Variants in PIWIL4 observed in about 807,000 individuals in gnomAD.
PIWIL4 encodes piwi-like protein 4.
In PIWIL4, 50 loss-of-function variants were observed where a neutral mutation model predicts 100.9. The observed-to-expected ratio is 0.50, with a 90% CI of 0.39 to 0.63. The LOEUF (loss-of-function observed/expected upper bound fraction) is 0.63. PIWIL4 is among the 20% of genes least tolerant of loss of function. The pLI is 0.00. For synonymous variants in PIWIL4, 342 were observed against 367.5 expected, an observed-to-expected ratio of 0.93 and a Z score of 0.79; for missense variants, 887 against 1,043.3, an observed-to-expected ratio of 0.85 and a Z score of 2.06.
At chr11:94,588,452 T>G (rs1161079397) in intron 7 of PIWIL4, among the ~76,000 whole-genome samples, 3 of 152,212 alleles carry the variant, frequency 2.0e-5, no homozygotes, top group Admixed American at 6.5e-5. Flanking sequence ...TACCCTCTTA[T>G]CCTCCTGTCA....
intron 4 of PIWIL4, 57 bp downstream of exon 4, chr11:94,577,549 A>G (rs1255173678): frequency 2.3e-6 from 3 of 1,301,688 alleles, no homozygotes; most frequent in Non-Finnish European, 3.2e-6. Flanking sequence ...TTATATGTGT[A>G]TACACACACA....
intron 8 of PIWIL4, among the ~76,000 whole-genome samples, chr11:94,589,815 A>G (rs957427101): frequency 2.0e-5 from 3 of 152,112 alleles, no homozygotes; most frequent in African/African-American, 7.2e-5. Context: ...AGGTCATCAC[A>G]GGCACCACAC....
At chr11:94,608,357 G>T in intron 14 of PIWIL4, 1 of 446,290 alleles carries the variant, frequency 2.2e-6, no homozygotes, top group Non-Finnish European at 4.0e-6. Context: ...ATCTTGGACG[G>T]TAGTGTTTCT....
At chr11:94,609,065 G>C (rs1166979778) in intron 15 of PIWIL4, among the ~76,000 whole-genome samples, 1 of 152,160 alleles carries the variant, frequency 6.6e-6, no homozygotes, top group African/African-American at 2.4e-5. Context: ...TTATACCCTG[G>C]TCTGCCACTT....
Position 94,585,434 on chromosome 11 carries a change from T to A in PIWIL4, c.636-11T>A. 6.3e-7 allele frequency: 1 copy of A among 1,598,532 alleles called. No individual in the cohort carries two copies. The highest frequency in any genetic ancestry group is 1.1e-5 in the South Asian group (1 of 88,322). On this transcript the variant is annotated splice_polypyrimidine_tract_variant and intron_variant, in intron 5 of 19. Transcript: ENST00000299001. ...GATATTTACCAAAAATTCAAAAAAATATACTTGCAGGATCCTCAAAAAGTT... is the reference window on the plus strand; with the variant it reads ...GATATTTACCAAAAATTCAAAAAAAAATACTTGCAGGATCCTCAAAAAGTT...
intron 11 of PIWIL4, 66 bp downstream of exon 11, chr11:94,597,981 G>C (rs1362188428): frequency 3.3e-6 from 4 of 1,220,926 alleles, no homozygotes; most frequent in Non-Finnish European, 4.8e-6. Context: ...TTTGTGCATT[G>C]GCCAGAGTGG....
chr11:94,594,558 G>A (rs562958210), intron 9 of PIWIL4, among the ~76,000 whole-genome samples: 1 of 151,676 alleles, frequency 6.6e-6, no homozygotes, highest in African/African-American at 2.4e-5. Context: ...TTGAGATGGA[G>A]TTTCACTCTT....
chr11:94,600,785 A>C (rs1948626277), intron 11 of PIWIL4, among the ~76,000 whole-genome samples: 2 of 152,176 alleles, frequency 1.3e-5, no homozygotes, highest in African/African-American at 4.8e-5. Context: ...GGGCCAGTTC[A>C]GAGACCTACT....
intron 15 of PIWIL4, 41 bp downstream of exon 15, chr11:94,608,727 G>A (rs1420071129): frequency 6.6e-7 from 1 of 1,517,076 alleles, no homozygotes; most frequent in Admixed American, 1.7e-5. Context: ...CATTTAGTTA[G>A]ACTATTAATT....
intron 15 of PIWIL4, among the ~76,000 whole-genome samples, chr11:94,610,988 G>C (rs899742831): frequency 6.6e-6 from 1 of 152,082 alleles, no homozygotes; most frequent in African/African-American, 2.4e-5. Flanking sequence ...TTTTTTACAT[G>C]TGAATATCTA....
intron 7 of PIWIL4, among the ~76,000 whole-genome samples, chr11:94,587,784 A>G (rs1334479164): frequency 6.6e-6 from 1 of 152,168 alleles, no homozygotes; most frequent in Non-Finnish European, 1.5e-5. Context: ...TATTAGATTC[A>G]GGAGTCTTTT....
intron 5 of PIWIL4, among the ~76,000 whole-genome samples, chr11:94,584,576 T>C (rs941883104): frequency 1.3e-5 from 2 of 152,164 alleles, no homozygotes; most frequent in Admixed American, 1.3e-4. Flanking sequence ...CCGAGGCAAG[T>C]GCTATTAAAA....
chr11:94,604,436 G>A (rs752345304), intron 13 of PIWIL4, among the ~76,000 whole-genome samples: 1 of 152,100 alleles, frequency 6.6e-6, no homozygotes, highest in Non-Finnish European at 1.5e-5. Flanking sequence ...AGTGACCTAT[G>A]GCCCCAAATT....
At chr11:94,616,611 A>G in intron 16 of PIWIL4, 48 bp downstream of exon 16, 1 of 1,453,780 alleles carries the variant, frequency 6.9e-7, no homozygotes, top group Non-Finnish European at 9.5e-7. Flanking sequence ...CTGTTCCTTC[A>G]GACCTCAAAT....
intron 4 of PIWIL4, among the ~76,000 whole-genome samples, chr11:94,581,889 C>A (rs1948324729): frequency 6.6e-6 from 1 of 152,186 alleles, no homozygotes; most frequent in East Asian, 1.9e-4. Context: ...CATCCAATTC[C>A]ACATCATGTG....
At chr11:94,613,335 T>A (rs1356561042) in intron 15 of PIWIL4, among the ~76,000 whole-genome samples, 1 of 152,246 alleles carries the variant, frequency 6.6e-6, no homozygotes, top group Non-Finnish European at 1.5e-5. Flanking sequence ...TGATAGCCTA[T>A]GAGGGTTCCT....
In PIWIL4 at chr11:94,567,533, C is replaced by G. The variant is rs1426378186; in HGVS notation, c.15C>G (p.Ala5=). ...TCACCGGGAACATGAGTGGAAGAGC[C>G]CGAGTGAAGGCCAGAGGCATCGCCC... The part of the protein sequence containing the change: MSGR[A]RVKARGIARS... Residue 5 remains alanine (A), a synonymous_variant, in exon 1 of 20, where the codon GCC becomes GCG. Transcript: ENST00000299001. 6 of 1,600,968 alleles carry G rather than the reference C, an allele frequency of 3.7e-6. No homozygotes were observed. The African/African-American group carries it at 8.0e-5, about 21-fold the overall frequency.
chr11:94,595,696 G>A (rs530615160), intron 10 of PIWIL4, among the ~76,000 whole-genome samples: 14 of 152,176 alleles, frequency 9.2e-5, no homozygotes, highest in Non-Finnish European at 1.8e-4. Flanking sequence ...TGGATAAAAT[G>A]TTGAATAAAG....
intron 2 of PIWIL4, among the ~76,000 whole-genome samples, chr11:94,573,872 T>C (rs768019150): frequency 1.3e-5 from 2 of 152,202 alleles, no homozygotes; most frequent in African/African-American, 2.4e-5. Flanking sequence ...CTTTTTTCAC[T>C]GTGCAAAATG....
Sources: gnomAD v4.1 joint callset for allele counts (sites outside exome capture counted in the v4.1 genomes callset) on GRCh38, gnomAD v4.1.1 for gene constraint, MANE v1.5 for transcripts, NCBI Gene and HGNC (gene_info 2026-07-23, HGNC 2026-07-21) for gene names.